The following KCNJ1 variants were observed in gnomAD, a reference collection of about 807,000 sequenced individuals.
KCNJ1 encodes potassium inwardly rectifying channel subfamily J member 1.
KCNJ1 carries 24 observed loss-of-function variants against 21.9 expected under a neutral mutation model. The ratio of observed to expected loss-of-function variants is 1.10; its 90% CI spans 0.79 to 1.54. KCNJ1 has a LOEUF of 1.54. KCNJ1 is among the 40% of genes most tolerant of loss of function. The probability of loss-of-function intolerance (pLI) is 0.00; values close to 1 mark genes in which losing one functional copy is unlikely to be tolerated. For synonymous variants in KCNJ1, 152 were observed against 160.9 expected (o/e 0.94, Z 0.42); for missense variants, 457 against 455.4 (o/e 1.00, Z -0.03).
intron 2 of KCNJ1, among the ~76,000 whole-genome samples, chr11:128,850,161 G>A (rs1441769867): frequency 6.6e-6 from 1 of 151,942 alleles, no homozygotes; most frequent in Non-Finnish European, 1.5e-5. Flanking sequence ...GGAAACCCTT[G>A]GAGCTCTACT....
intron 1 of KCNJ1, among the ~76,000 whole-genome samples, chr11:128,859,435 G>A (rs1315794694): frequency 6.6e-6 from 1 of 152,130 alleles, no homozygotes. Flanking sequence ...TGATTGTAGA[G>A]ATGAGGTCTC....
At chr11:128,859,472 C>A (rs1943658013) in intron 1 of KCNJ1, among the ~76,000 whole-genome samples, 1 of 152,226 alleles carries the variant, frequency 6.6e-6, no homozygotes, top group South Asian at 2.1e-4. Flanking sequence ...TGGCCTTGAA[C>A]TCCTGGCCTC....
rs745379718 is a variant in KCNJ1 at position 128,864,172 on chromosome 11, C to T, written c.-192+3001G>A. On this transcript the variant is annotated intron_variant, in intron 1 of 2. Transcript: ENST00000392666. ...CACGATCTCAGCTCACTGCAACCTC[C>T]GCCTCCCGGGTTCAAGCAATTCTCA... is the stretch of plus-strand genomic sequence containing the variant. Among the ~76,000 whole-genome samples, 5 of 149,000 alleles carry T rather than the reference C, an allele frequency of 3.4e-5. No homozygotes were observed. The South Asian group carries it at 1.1e-3, about 32-fold the overall frequency.
At chr11:128,867,144 A>C (rs1300757606) in intron 1 of KCNJ1, 29 bp downstream of exon 1, 2 of 152,188 alleles carry the variant, frequency 1.3e-5, no homozygotes, top group African/African-American at 2.4e-5. Context: ...TTTTCCTACA[A>C]AGAGACAATG....
At position 128,842,618 on chromosome 11, in the gene KCNJ1, G is replaced by A; in HGVS notation, c.-21-2354C>T. The A allele has an allele frequency of 3.4e-6, 4 of 1,170,300 alleles. No individual in the cohort carries two copies. The South Asian group carries it at 4.9e-5, about 14-fold the overall frequency. The allele number at this position is 1,170,300 out of a possible 1,614,324, so 72.5% of individuals were successfully genotyped here. ...TTGTTCTCAGACCAAGCCCCAAGCT[G>A]AATAGGTATTTTTTCTTTCCAACAT... On this transcript the variant is annotated intron_variant, in intron 2 of 2. Transcript: ENST00000392666.
chr11:128,849,975 T>C (rs768028445), intron 2 of KCNJ1, among the ~76,000 whole-genome samples: 2 of 152,180 alleles, frequency 1.3e-5, no homozygotes, highest in Non-Finnish European at 2.9e-5. Context: ...CTCACTGCTC[T>C]AGCAGAGGGC....
intron 2 of KCNJ1, chr11:128,842,325 G>A (rs1181507082): frequency 6.3e-6 from 10 of 1,588,004 alleles, no homozygotes; most frequent in South Asian, 1.1e-5. Context: ...CTGCATTAAT[G>A]ATGAAACATT....
intron 1 of KCNJ1, among the ~76,000 whole-genome samples, chr11:128,856,312 C>T (rs531073510): frequency 1.3e-5 from 2 of 152,216 alleles, no homozygotes; most frequent in Admixed American, 6.5e-5. Context: ...GAGGTTAGCA[C>T]GACCAGCCTT....
chr11:128,850,076 C>T (rs1335554390), intron 2 of KCNJ1, among the ~76,000 whole-genome samples: 4 of 152,038 alleles, frequency 2.6e-5, no homozygotes, highest in African/African-American at 7.2e-5. Context: ...GGAGGGCCCC[C>T]CCGCCTCCAA....
intron 2 of KCNJ1, among the ~76,000 whole-genome samples, chr11:128,845,720 T>C (rs1186841021): frequency 6.6e-6 from 1 of 152,212 alleles, no homozygotes; most frequent in African/African-American, 2.4e-5. Context: ...AAACCATCTT[T>C]CCTGGCCTCA....
At chr11:128,848,639 C>T (rs533010564) in intron 2 of KCNJ1, among the ~76,000 whole-genome samples, 1 of 152,202 alleles carries the variant, frequency 6.6e-6, no homozygotes, top group Non-Finnish European at 1.5e-5. Context: ...GAGAGCAGCA[C>T]ATCCTCAGGG....
At chr11:128,861,952 C>T (rs1565531070) in intron 1 of KCNJ1, among the ~76,000 whole-genome samples, 1 of 152,142 alleles carries the variant, frequency 6.6e-6, no homozygotes, top group Non-Finnish European at 1.5e-5. Context: ...GCCCCCAGCT[C>T]TCGGCCGCGC....
At chr11:128,845,420 A>C (rs1251493221) in intron 2 of KCNJ1, among the ~76,000 whole-genome samples, 1 of 152,228 alleles carries the variant, frequency 6.6e-6, no homozygotes, top group East Asian at 1.9e-4. Context: ...AAACAAGTGC[A>C]TCTAACTGCT....
chr11:128,855,216 T>A lies in KCNJ1; in HGVS notation c.-191-4326A>T, dbSNP rs373345677. 3.3e-5 allele frequency among the ~76,000 whole-genome samples: 5 copies of A among 152,226 alleles called. No individual in the cohort carries two copies. The South Asian group carries it at 1.0e-3, about 32-fold the overall frequency. On this transcript the variant is annotated intron_variant, in intron 1 of 2. Coordinates refer to ENST00000392666, the MANE Select transcript of KCNJ1 (RefSeq NM_153766.3). Reference sequence around the variant, plus strand: ...TTTTGTTGTTTTGGACATACTGTCTTCCTGATTCACTTTTCTTACCCTCCC... The same window carrying A: ...TTTTGTTGTTTTGGACATACTGTCTACCTGATTCACTTTTCTTACCCTCCC...
chr11:128,839,769 T>C lies in KCNJ1; in HGVS notation c.475A>G (p.Ile159Val), dbSNP rs1943247242. The C allele has an allele frequency of 1.2e-6, 2 of 1,613,982 alleles. No individual in the cohort carries two copies. Among genetic ancestry groups the C allele is most frequent in the Non-Finnish European group, 1.7e-6 (2 of 1,180,026 alleles). The change falls in exon 3 of 3, where the codon ATC (isoleucine) becomes GTC (valine). Residue 159 changes from isoleucine to valine, a missense_variant. Ile to Val is a conservative substitution (Grantham distance 29). Coordinates refer to ENST00000392666, the MANE Select transcript of KCNJ1 (RefSeq NM_153766.3). ...TTGGGCCTGGAGATCTTGGCTAAGA[T>C]GGCCCCACACATGAAAGAATTGATT... ...VIINSFMCGAILAKISRPKKR... is the reference protein window; with the variant it reads ...VIINSFMCGAVLAKISRPKKR...
Position 128,841,746 on chromosome 11 carries a change from C to A in KCNJ1, c.-21-1482G>T, listed in dbSNP as rs547045261. ...CCCAGCTGAAAACACAAGAAGCCAA[C>A]GCCAAGTCGAAGCGGTGATGAGAAA... On this transcript the variant is annotated intron_variant, in intron 2 of 2. Coordinates refer to ENST00000392666, the MANE Select transcript of KCNJ1 (RefSeq NM_153766.3). Among the ~76,000 whole-genome samples, 11 of 152,262 alleles carry A rather than the reference C, an allele frequency of 7.2e-5. No homozygotes were observed. In the East Asian group the frequency reaches 9.7e-4, roughly 13 times the overall value.
At chr11:128,847,003 TC>T (rs1176385519) in intron 2 of KCNJ1, among the ~76,000 whole-genome samples, 1 of 151,956 alleles carries the variant, frequency 6.6e-6, no homozygotes, top group African/African-American at 2.4e-5. Flanking sequence ...TGGCCGAATA[TC>T]CCCCCATCCT....
chr11:128,857,366 A>G (rs1394019404), intron 1 of KCNJ1, among the ~76,000 whole-genome samples: 1 of 152,130 alleles, frequency 6.6e-6, no homozygotes, highest in Non-Finnish European at 1.5e-5. Context: ...CTGGTGATGC[A>G]TTCACTTATT....
chr11:128,855,524 T>G (rs583352), intron 1 of KCNJ1, among the ~76,000 whole-genome samples: 65,104 of 152,056 alleles, frequency 0.43, 14,830 homozygotes, highest in African/African-American at 0.59. Flanking sequence ...CAAATGAGGT[T>G]GGCAAAGCAA....
Sources: allele counts gnomAD v4.1 joint callset (sites outside exome capture counted in the v4.1 genomes callset), GRCh38; gene constraint gnomAD v4.1.1; transcripts MANE v1.5; gene names NCBI Gene and HGNC (gene_info 2026-07-23, HGNC 2026-07-21).